The following CNTNAP2 variants were observed in gnomAD, a reference collection of about 807,000 sequenced individuals.
The protein encoded by CNTNAP2 is contactin associated protein 2, also known as contactin-associated protein-like 2.
Under a neutral mutation model 155.2 loss-of-function variants are expected in CNTNAP2, and 98 were observed. The observed-to-expected ratio is 0.63, with a 90% CI of 0.54 to 0.75. The LOEUF is 0.75. CNTNAP2 is among the 30% of genes least tolerant of loss of function. CNTNAP2 has a pLI of 0.00. For missense variants in CNTNAP2, 1,727 were observed against 1,688.1 expected, an observed-to-expected ratio of 1.02 and a Z score of -0.40; for synonymous variants, 651 against 631.2, an observed-to-expected ratio of 1.03 and a Z score of -0.47.
intron 21 of CNTNAP2, among the ~76,000 whole-genome samples, chr7:148,345,144 A>G (rs1339034364): frequency 6.6e-6 from 1 of 152,102 alleles, no homozygotes; most frequent in Non-Finnish European, 1.5e-5. Flanking sequence ...GAGGGGACTT[A>G]GGGAGGTGGG....
At chr7:147,472,163 C>A (rs1798232451) in intron 10 of CNTNAP2, among the ~76,000 whole-genome samples, 1 of 150,052 alleles carries the variant, frequency 6.7e-6, no homozygotes, top group South Asian at 2.1e-4. Context: ...CTCATTTCTT[C>A]CTAAATGAAA....
At chr7:147,707,907 CAGA>C (rs1350213348) in intron 13 of CNTNAP2, among the ~76,000 whole-genome samples, 5 of 152,114 alleles carry the variant, frequency 3.3e-5, no homozygotes, top group African/African-American at 1.2e-4. Flanking sequence ...CTCAGGACCA[CAGA>C]AGGAGTACCC....
At chr7:148,285,628 G>T (rs1438078091) in intron 21 of CNTNAP2, among the ~76,000 whole-genome samples, 1 of 152,236 alleles carries the variant, frequency 6.6e-6, no homozygotes, top group Non-Finnish European at 1.5e-5. Context: ...ACTTAAATCT[G>T]CACTTGACAT....
At chr7:147,924,158 A>T (rs1800340082) in intron 14 of CNTNAP2, among the ~76,000 whole-genome samples, 1 of 17,870 alleles carries the variant, frequency 5.6e-5, no homozygotes, top group Non-Finnish European at 1.1e-4. Context: ...TTTTTTTTTG[A>T]GACAGAGTTT....
At chr7:147,762,272 T>C (rs1476949033) in intron 13 of CNTNAP2, among the ~76,000 whole-genome samples, 2 of 151,540 alleles carry the variant, frequency 1.3e-5, no homozygotes, top group East Asian at 3.9e-4. Flanking sequence ...ATATATGCAA[T>C]TAGTAATAGA....
intron 1 of CNTNAP2, among the ~76,000 whole-genome samples, chr7:146,483,240 C>A (rs1358962254): frequency 7.2e-6 from 1 of 139,610 alleles, no homozygotes; most frequent in African/African-American, 2.6e-5. Flanking sequence ...CGCGCCACTG[C>A]ACTCCAGCCT....
At chr7:146,313,757 G>A (rs1219155727) in intron 1 of CNTNAP2, among the ~76,000 whole-genome samples, 1 of 152,142 alleles carries the variant, frequency 6.6e-6, no homozygotes, top group African/African-American at 2.4e-5. Context: ...CCAGCATTGT[G>A]GGAGGCAGAG....
chr7:147,730,251 A>T (rs572820826), intron 13 of CNTNAP2, among the ~76,000 whole-genome samples: 1 of 152,118 alleles, frequency 6.6e-6, no homozygotes, highest in South Asian at 2.1e-4. Flanking sequence ...AATCACAGGC[A>T]TAATTGTTTT....
At chr7:148,031,358 G>C (rs905920967) in intron 15 of CNTNAP2, among the ~76,000 whole-genome samples, 3 of 152,224 alleles carry the variant, frequency 2.0e-5, no homozygotes, top group Middle Eastern at 3.2e-3. Flanking sequence ...GAAGAAAGCT[G>C]TCTGAAGTTT....
chr7:146,930,879 G>C (rs569728007), intron 3 of CNTNAP2, among the ~76,000 whole-genome samples: 1,532 of 152,220 alleles, frequency 0.01, 16 homozygotes, highest in South Asian at 0.018. Context: ...TCAACAAGAA[G>C]AGCTAACTAT....
intron 1 of CNTNAP2, among the ~76,000 whole-genome samples, chr7:146,206,331 C>T (rs935873833): frequency 4.6e-5 from 7 of 151,078 alleles, no homozygotes; most frequent in African/African-American, 1.2e-4. Flanking sequence ...GAAACATATA[C>T]GTGAAATTAT....
intron 1 of CNTNAP2, among the ~76,000 whole-genome samples, chr7:146,563,786 A>G (rs1209143340): frequency 6.6e-6 from 1 of 152,174 alleles, no homozygotes; most frequent in African/African-American, 2.4e-5. Flanking sequence ...CTTTCATTTC[A>G]GCCACAAACC....
chr7:147,082,655 T>C lies in CNTNAP2; in HGVS notation c.551-25492T>C, dbSNP rs1178307650. 4 of 152,190 alleles carry C rather than the reference T, an allele frequency of 2.6e-5. No individual in the cohort carries two copies. The South Asian group carries it at 8.3e-4, about 32-fold the overall frequency. 9.4% of individuals were successfully genotyped at this position (152,190 alleles called of 1,614,324 possible). A position where few individuals can be genotyped will look rare whatever the true frequency, so the allele number is the denominator to read the frequency against. On this transcript the variant is annotated intron_variant, in intron 4 of 23. Coordinates refer to ENST00000361727, the MANE Select transcript of CNTNAP2 (RefSeq NM_014141.6). ...GTGCTTTGAAAGATCACAATTGTCA[T>C]AATTTTTAAGAGGAAATTTAAAATA...
At chr7:146,543,585 C>A (rs1797986711) in intron 1 of CNTNAP2, among the ~76,000 whole-genome samples, 1 of 151,908 alleles carries the variant, frequency 6.6e-6, no homozygotes, top group Admixed American at 6.6e-5. Flanking sequence ...TTGAGAAGCT[C>A]TTCAGATACA....
chr7:146,430,917 T>G (rs929869607), intron 1 of CNTNAP2, among the ~76,000 whole-genome samples: 1 of 152,064 alleles, frequency 6.6e-6, no homozygotes, highest in African/African-American at 2.4e-5. Context: ...AGTTAATCTA[T>G]TCGTCGTCAC....
chr7:148,239,459 A>T (rs1229540252), intron 20 of CNTNAP2, among the ~76,000 whole-genome samples: 1 of 152,204 alleles, frequency 6.6e-6, no homozygotes, highest in Non-Finnish European at 1.5e-5. Context: ...TTTGGTCTGT[A>T]TATGAGTCAG....
intron 1 of CNTNAP2, among the ~76,000 whole-genome samples, chr7:146,657,908 TA>T (rs1232147902): frequency 6.6e-6 from 1 of 152,070 alleles, no homozygotes; most frequent in Non-Finnish European, 1.5e-5. Flanking sequence ...TTTGACAAAA[TA>T]AGTTCATCAT....
chr7:148,231,432 T>C (rs1795958893), intron 20 of CNTNAP2, among the ~76,000 whole-genome samples: 1 of 152,186 alleles, frequency 6.6e-6, no homozygotes, highest in African/African-American at 2.4e-5. Context: ...GGGTAGGTCA[T>C]AGAATTATAG....
At chr7:148,319,174 A>G (rs940596533) in intron 21 of CNTNAP2, among the ~76,000 whole-genome samples, 19 of 152,204 alleles carry the variant, frequency 1.2e-4, no homozygotes, top group Non-Finnish European at 2.1e-4. Flanking sequence ...TTTGTGTTTA[A>G]TAATATGCTA....
Sources: gnomAD v4.1 joint callset for allele counts (sites outside exome capture counted in the v4.1 genomes callset) on GRCh38, gnomAD v4.1.1 for gene constraint, MANE v1.5 for transcripts, NCBI Gene and HGNC (gene_info 2026-07-23, HGNC 2026-07-21) for gene names.